Variants in SPOCK3 observed in about 807,000 individuals in gnomAD.
The protein encoded by SPOCK3 is testican-3.
Under a neutral mutation model 56.6 loss-of-function variants are expected in SPOCK3, and 30 were observed. The observed-to-expected ratio is 0.53, with a 90% CI of 0.40 to 0.72. The LOEUF (loss-of-function observed/expected upper bound fraction) is 0.72. Ranked by LOEUF, SPOCK3 falls within the 30% of genes least tolerant of loss-of-function variation. The pLI is 0.00. For synonymous variants in SPOCK3, 196 were observed against 183.3 expected (o/e 1.07, Z -0.56); for missense variants, 527 against 530.0 (o/e 0.99, Z 0.06).
chr4:166,858,194 A>C (rs1218567998), intron 6 of SPOCK3, among the ~76,000 whole-genome samples: 1 of 152,202 alleles, frequency 6.6e-6, no homozygotes. Flanking sequence ...TACCACATAG[A>C]TAAGAGTTAG....
At chr4:166,912,858 A>G (rs1312045937) in intron 4 of SPOCK3, 115 bp from the exon 5 acceptor site, 7 of 792,434 alleles carry the variant, frequency 8.8e-6, no homozygotes, top group Middle Eastern at 3.9e-4. Flanking sequence ...ATTAGAATCA[A>G]CAAACTATTC....
At chr4:167,203,252 A>G (rs995782630) in intron 2 of SPOCK3, among the ~76,000 whole-genome samples, 2 of 152,132 alleles carry the variant, frequency 1.3e-5, no homozygotes, top group Admixed American at 1.3e-4. Flanking sequence ...TCCAATGTTA[A>G]AGAAGCAAAC....
chr4:166,812,982 A>C (rs1743995051), intron 6 of SPOCK3, among the ~76,000 whole-genome samples: 1 of 152,142 alleles, frequency 6.6e-6, no homozygotes, highest in African/African-American at 2.4e-5. Context: ...ATGTAGCATA[A>C]TGAATTTTCC....
At chr4:167,123,495 G>C (rs945634637) in intron 2 of SPOCK3, among the ~76,000 whole-genome samples, 1 of 148,688 alleles carries the variant, frequency 6.7e-6, no homozygotes, top group South Asian at 2.1e-4. Context: ...GATCTGCAGC[G>C]ATTCAGATAA....
At chr4:167,090,055 G>C (rs1268944335) in intron 2 of SPOCK3, among the ~76,000 whole-genome samples, 1 of 152,218 alleles carries the variant, frequency 6.6e-6, no homozygotes, top group South Asian at 2.1e-4. Flanking sequence ...TTTTCAGTAT[G>C]GGGTAATTAC....
chr4:167,222,678 T>C (rs1736085059), intron 2 of SPOCK3, among the ~76,000 whole-genome samples: 1 of 134,470 alleles, frequency 7.4e-6, no homozygotes, highest in Non-Finnish European at 1.5e-5. Context: ...TAGATATATA[T>C]TTATATATGA....
At chr4:167,039,177 T>C (rs1753030104) in intron 3 of SPOCK3, among the ~76,000 whole-genome samples, 1 of 152,330 alleles carries the variant, frequency 6.6e-6, no homozygotes, top group East Asian at 1.9e-4. Flanking sequence ...TCTGCTGCTG[T>C]CATCGTGTGG....
chr4:167,059,177 T>C (rs552012829), intron 3 of SPOCK3, among the ~76,000 whole-genome samples: 119 of 152,162 alleles, frequency 7.8e-4, no homozygotes, highest in African/African-American at 2.9e-3. Flanking sequence ...AAAGAGCTTC[T>C]GCACAGCAAA....
intron 5 of SPOCK3, among the ~76,000 whole-genome samples, chr4:166,910,620 T>G (rs941396775): frequency 6.6e-6 from 1 of 152,152 alleles, no homozygotes; most frequent in Non-Finnish European, 1.5e-5. Flanking sequence ...TAATTGTAAC[T>G]TGGTGTCCTA....
intron 2 of SPOCK3, among the ~76,000 whole-genome samples, chr4:167,181,690 C>T (rs1172911211): frequency 1.3e-5 from 2 of 152,188 alleles, no homozygotes; most frequent in East Asian, 1.9e-4. Context: ...TGTCTTCTAA[C>T]TGGAAAGCTC....
intron 8 of SPOCK3, among the ~76,000 whole-genome samples, chr4:166,752,128 C>T (rs954403153): frequency 3.9e-5 from 6 of 152,072 alleles, no homozygotes; most frequent in African/African-American, 1.4e-4. Flanking sequence ...CCTCCAACCT[C>T]CTTCTCCTGC....
At chr4:166,930,640 A>C (rs1739642861) in intron 4 of SPOCK3, among the ~76,000 whole-genome samples, 1 of 152,226 alleles carries the variant, frequency 6.6e-6, no homozygotes, top group Admixed American at 6.5e-5. Flanking sequence ...TGAAAAGGTC[A>C]GACACTTAAA....
intron 2 of SPOCK3, among the ~76,000 whole-genome samples, chr4:167,179,417 A>G (rs1731258604): frequency 6.6e-6 from 1 of 152,148 alleles, no homozygotes; most frequent in Admixed American, 6.5e-5. Flanking sequence ...ATGCACATAA[A>G]TCTACTTATT....
At chr4:167,178,902 G>A (rs949927492) in intron 2 of SPOCK3, among the ~76,000 whole-genome samples, 5 of 151,902 alleles carry the variant, frequency 3.3e-5, no homozygotes, top group Non-Finnish European at 7.4e-5. Flanking sequence ...TTGTTTAATT[G>A]GTTTTAAAAT....
chr4:166,790,841 T>G (rs1741264673), intron 7 of SPOCK3, among the ~76,000 whole-genome samples: 1 of 152,184 alleles, frequency 6.6e-6, no homozygotes, highest in African/African-American at 2.4e-5. Flanking sequence ...GGATATGAAT[T>G]TTAAAAACAG....
chr4:167,083,217 G>A (rs1294957289), intron 2 of SPOCK3: 10 of 764,914 alleles, frequency 1.3e-5, no homozygotes, highest in Middle Eastern at 2.2e-4. Context: ...AATTTCTGTC[G>A]ACACCCAACC....
chr4:167,148,538 A>C (rs902332860), intron 2 of SPOCK3, among the ~76,000 whole-genome samples: 7 of 152,142 alleles, frequency 4.6e-5, no homozygotes, highest in African/African-American at 1.4e-4. Context: ...CATCATTAAA[A>C]GGAGGGCAAT....
At chr4:166,949,770 G>A (rs1742288817) in intron 4 of SPOCK3, among the ~76,000 whole-genome samples, 1 of 152,006 alleles carries the variant, frequency 6.6e-6, no homozygotes, top group African/African-American at 2.4e-5. Flanking sequence ...AAGAGAGTGG[G>A]GGCCAATATT....
chr4:167,044,525 T>G (rs1358738430), intron 3 of SPOCK3, among the ~76,000 whole-genome samples: 2 of 152,084 alleles, frequency 1.3e-5, no homozygotes, highest in African/African-American at 4.8e-5. Flanking sequence ...TAGATCTTTC[T>G]TATTTTCTCA....
Sources: gnomAD v4.1 joint callset for allele counts (sites outside exome capture counted in the v4.1 genomes callset) on GRCh38, gnomAD v4.1.1 for gene constraint, MANE v1.5 for transcripts, NCBI Gene and HGNC (gene_info 2026-07-23, HGNC 2026-07-21) for gene names.